The following C3orf33 variants were observed in gnomAD, a reference collection of about 807,000 sequenced individuals.
C3orf33 encodes mitochondrial inner membrane subdomain organizer 1, also known as AP-1 activity suppressor.
Under a neutral mutation model 28.7 loss-of-function variants are expected in C3orf33, and 23 were observed. The ratio of observed to expected loss-of-function variants is 0.80; its 90% CI spans 0.58 to 1.13. The LOEUF (loss-of-function observed/expected upper bound fraction) is 1.13. C3orf33 is among the 50% of genes most tolerant of loss of function. The pLI is 0.00. For synonymous variants in C3orf33, 119 were observed against 120.5 expected, an observed-to-expected ratio of 0.99 and a Z score of 0.08; for missense variants, 327 against 353.4, an observed-to-expected ratio of 0.93 and a Z score of 0.60.
chr3:155,777,168 G>C (rs1191211177), intron 2 of C3orf33, among the ~76,000 whole-genome samples: 1 of 151,970 alleles, frequency 6.6e-6, no homozygotes, highest in Non-Finnish European at 1.5e-5. Context: ...TACAAAATTA[G>C]TCGGGCGTGG....
intron 2 of C3orf33, among the ~76,000 whole-genome samples, chr3:155,787,824 A>G (rs1041280451): frequency 4.6e-5 from 7 of 151,966 alleles, no homozygotes; most frequent in African/African-American, 1.4e-4. Context: ...TTTCAGCCAC[A>G]TATTTAAAGG....
rs1209762141 is a variant in C3orf33 at position 155,775,775 on chromosome 3, A to T, written c.248T>A (p.Leu83Ter). Residue 83 changes from leucine (L) to a stop codon, truncating the protein, a stop_gained, in exon 3 of 5, where the codon TTA (leucine) becomes TAA (stop). Transcript: ENST00000340171. LOFTEE classifies it high-confidence loss of function. ...TAAACCATTCTCAGTTATTCGGCGT[A>T]ATCGTCCACGTAGTTTAACATTTCT... is the stretch of plus-strand genomic sequence containing the variant. ...IRRNVKLRGR[L>*]RRITENGLEI... 6 of 1,595,356 alleles carry T rather than the reference A, an allele frequency of 3.8e-6. No homozygotes were observed. Among genetic ancestry groups the T allele is most frequent in the Non-Finnish European group, 4.3e-6 (5 of 1,164,494 alleles).
chr3:155,769,362 C>A (rs1195685522), intron 3 of C3orf33, among the ~76,000 whole-genome samples: 1 of 150,362 alleles, frequency 6.7e-6, no homozygotes, highest in East Asian at 1.9e-4. Flanking sequence ...GTGGTGCGTG[C>A]CTGTAATCCC....
intron 3 of C3orf33, among the ~76,000 whole-genome samples, chr3:155,767,897 T>G (rs1477712937): frequency 1.3e-5 from 2 of 152,182 alleles, no homozygotes; most frequent in African/African-American, 4.8e-5. Flanking sequence ...TTTTTCTTTT[T>G]GAAACAGGGT....
At chr3:155,799,381 A>G (rs974000902) in intron 2 of C3orf33, among the ~76,000 whole-genome samples, 1 of 152,184 alleles carries the variant, frequency 6.6e-6, no homozygotes, top group Admixed American at 6.5e-5. Flanking sequence ...GTGTCCATCA[A>G]CAGACGAATG....
rs140719633 is a variant in C3orf33, at chr3:155,782,200, G to A, written c.175-6352C>T. On this transcript the variant is annotated intron_variant, in intron 2 of 4. Transcript: ENST00000340171. ...AAAAAAAAGATAAATTATTGAGTCT[G>A]CGGAACAGAAAGAAAAAAAAAGATT... 2.8e-3 allele frequency among the ~76,000 whole-genome samples: 424 copies of A among 150,680 alleles called. 2 individuals carry two copies. Among genetic ancestry groups the A allele is most frequent in the African/African-American group, 0.01 (418 of 41,026 alleles).
chr3:155,766,641 GC>G (rs1387124854), intron 4 of C3orf33, among the ~76,000 whole-genome samples: 2 of 152,202 alleles, frequency 1.3e-5, no homozygotes, highest in Non-Finnish European at 2.9e-5. Context: ...AATTAGCAAT[GC>G]CCAGAGTCAT....
intron 2 of C3orf33, among the ~76,000 whole-genome samples, chr3:155,801,850 A>G (rs1169316157): frequency 6.6e-6 from 1 of 152,150 alleles, no homozygotes; most frequent in Non-Finnish European, 1.5e-5. Context: ...TCCCAGGTTC[A>G]AGTGATTCTC....
intron 4 of C3orf33, among the ~76,000 whole-genome samples, chr3:155,764,154 C>T (rs1358293203): frequency 6.6e-6 from 1 of 152,170 alleles, no homozygotes; most frequent in Admixed American, 6.5e-5. Flanking sequence ...TCTCCACAGA[C>T]TCACTGTTCT....
intron 2 of C3orf33, among the ~76,000 whole-genome samples, chr3:155,789,344 C>CAAAA (rs57871976): frequency 9.8e-5 from 11 of 112,122 alleles, no homozygotes; most frequent in Admixed American, 1.9e-4. Context: ...GACTCTGTCT[C>CAAAA]AAAAAAAAAA....
intron 3 of C3orf33, among the ~76,000 whole-genome samples, chr3:155,769,765 G>A (rs1750526085): frequency 6.6e-6 from 1 of 152,142 alleles, no homozygotes. Context: ...ATAGGGGCAG[G>A]TGCCCGGTGA....
intron 2 of C3orf33, among the ~76,000 whole-genome samples, chr3:155,786,279 C>T (rs1188081265): frequency 6.6e-6 from 1 of 151,680 alleles, no homozygotes; most frequent in Non-Finnish European, 1.5e-5. Flanking sequence ...TATGAGAGTG[C>T]AGACAGGAAG....
chr3:155,802,383 A>G, intron 2 of C3orf33, 149 bp downstream of exon 2: 1 of 559,558 alleles, frequency 1.8e-6, no homozygotes, highest in Non-Finnish European at 3.1e-6. Context: ...TTAAACCAAG[A>G]CCTTAAAATA....
rs559220741 is a variant in C3orf33 at position 155,763,706 on chromosome 3, G to A, written c.696C>T (p.Ser232=). Residue 232 remains serine, a synonymous_variant, in exon 5 of 5, where the codon TCC becomes TCT. Transcript: ENST00000340171. ...KESYLEKFKD[S]WREIWKKDSF... ...TGTCCTTTTTCCATATTTCTCTCCA[G>A]GAATCTTTGAATTTTTCTAAGTAAC... 19 of 1,592,912 alleles carry A rather than the reference G, an allele frequency of 1.2e-5. No individual in the cohort carries two copies. Among genetic ancestry groups the A allele is most frequent in the Non-Finnish European group, 1.6e-5 (19 of 1,174,222 alleles).
rs140936302 is a variant in C3orf33 at position 155,805,910 on chromosome 3, G to A, written c.114+229C>T. On this transcript the variant is annotated intron_variant, in intron 1 of 4. Transcript: ENST00000340171. ...CCCCCTACAGCCCAGCAAGGATCCA[G>A]AACAGTCCTTGTAATAATGAGGCCG... Among the ~76,000 whole-genome samples the A allele has an allele frequency of 6.3e-3, 956 of 152,266 alleles. 8 individuals are homozygous for A. The highest frequency in any genetic ancestry group is 0.023 in the African/African-American group (938 of 41,560).
In C3orf33 at chr3:155,762,722, T is replaced by C. The variant is rs1750272591; in HGVS notation, c.*795A>G. The C allele has an allele frequency of 1.3e-5, 2 of 152,116 alleles. No homozygotes were observed. Among genetic ancestry groups the C allele is most frequent in the Non-Finnish European group, 2.9e-5 (2 of 68,016 alleles). The allele number at this position is 152,116 out of a possible 1,614,324, so 9.4% of individuals were successfully genotyped here. On this transcript the variant is annotated 3_prime_UTR_variant, in exon 5 of 5. Transcript: ENST00000340171. Reference sequence around the variant, plus strand: ...AAATTCAATATGGCAATACAAAACTTAGCCAGGCTTGGTGGGAGCTCCTGT... The same window carrying C: ...AAATTCAATATGGCAATACAAAACTCAGCCAGGCTTGGTGGGAGCTCCTGT...
chr3:155,763,377 A>T lies in C3orf33; in HGVS notation c.*140T>A. On this transcript the variant is annotated 3_prime_UTR_variant, in exon 5 of 5. Coordinates refer to ENST00000340171, the MANE Select transcript of C3orf33 (RefSeq NM_001308229.2). ...TTCTGACATTATGCTTATAATAATC[A>T]TCTCTTTTTAATATTTAAATACCAT... The T allele has an allele frequency of 4.0e-6, 2 of 495,036 alleles. No homozygotes were observed. The highest frequency in any genetic ancestry group is 6.7e-6 in the Non-Finnish European group (2 of 299,482). The allele number at this position is 495,036 out of a possible 1,614,324, so 30.7% of individuals were successfully genotyped here.
At chr3:155,779,742 GC>G (rs1444084719) in intron 2 of C3orf33, among the ~76,000 whole-genome samples, 1 of 152,180 alleles carries the variant, frequency 6.6e-6, no homozygotes, top group Non-Finnish European at 1.5e-5. Context: ...AAGTAGGATG[GC>G]CAATAAAGAT....
intron 2 of C3orf33, among the ~76,000 whole-genome samples, chr3:155,782,352 T>C (rs1401304124): frequency 6.9e-6 from 1 of 145,468 alleles, no homozygotes; most frequent in African/African-American, 2.6e-5. Context: ...AAAAAAACCA[T>C]GACTGAAAAC....
Sources: allele counts gnomAD v4.1 joint callset (sites outside exome capture counted in the v4.1 genomes callset), GRCh38; gene constraint gnomAD v4.1.1; transcripts MANE v1.5; gene names NCBI Gene and HGNC (gene_info 2026-07-23, HGNC 2026-07-21).